The following LTBP3 variants were observed in gnomAD, a reference collection of about 807,000 sequenced individuals.
The protein encoded by LTBP3 is latent transforming growth factor beta binding protein 3, also known as latent-transforming growth factor beta-binding protein 3.
Under a neutral mutation model 159.7 loss-of-function variants are expected in LTBP3, and 97 were observed. The observed-to-expected ratio is 0.61, with a 90% CI of 0.52 to 0.72. The LOEUF (loss-of-function observed/expected upper bound fraction) is 0.72. Among genes scored for constraint, LTBP3 ranks in the 30% least tolerant of loss-of-function variants. The pLI, the probability that LTBP3 is intolerant of heterozygous loss-of-function variation, is 0.00. For missense variants in LTBP3, 1,584 were observed against 1,864.3 expected, an observed-to-expected ratio of 0.85 and a Z score of 2.77; for synonymous variants, 824 against 777.1, an observed-to-expected ratio of 1.06 and a Z score of -1.00.
In LTBP3 at chr11:65,553,231, AG is replaced by A; in HGVS notation, c.995del (p.Pro332LeufsTer56). 6.2e-7 allele frequency: 1 copy of A among 1,614,126 alleles called. No individual in the cohort carries two copies. The highest frequency in any genetic ancestry group is 8.5e-7 in the Non-Finnish European group (1 of 1,180,000). On this transcript the variant is annotated frameshift_variant, in exon 5 of 28. Coordinates refer to ENST00000301873, the MANE Select transcript of LTBP3 (RefSeq NM_001130144.3). LOFTEE classifies it high-confidence loss of function. The surrounding 1 kb of genome is among the most constrained non-coding windows in gnomAD (Gnocchi z 6.5). ...AGTCAGCGCCCACTTCCCCACGTACAGGCCCTGGCTTCTGCACTCCTGTGTC... is the reference window on the plus strand; with the variant it reads ...AGTCAGCGCCCACTTCCCCACGTACAGCCCTGGCTTCTGCACTCCTGTGTC... Reference protein sequence around the residue: ...LQYTGVQKPGPVRGEVGADCP... With the variant: ...LQYTGVQKPGXVRGEVGADCP...
At position 65,538,707 on chromosome 11, in the gene LTBP3, C is replaced by G. The variant is rs1033807825; in HGVS notation, c.*373G>C. On this transcript the variant is annotated 3_prime_UTR_variant, in exon 28 of 28. Coordinates refer to ENST00000301873, the MANE Select transcript of LTBP3 (RefSeq NM_001130144.3). ...GCCACAATAAATTCTATTTCACACCCCTTGTGCCGGGCTCAGTCTAGCCCC... is the reference window on the plus strand; with the variant it reads ...GCCACAATAAATTCTATTTCACACCGCTTGTGCCGGGCTCAGTCTAGCCCC... The G allele has an allele frequency of 6.0e-6, 7 of 1,175,320 alleles. No individual in the cohort carries two copies. The highest frequency in any genetic ancestry group is 7.0e-6 in the Non-Finnish European group (6 of 858,404). The allele number at this position is 1,175,320 out of a possible 1,614,324, so 72.8% of individuals were successfully genotyped here.
At position 65,540,896 on chromosome 11, in the gene LTBP3, G is replaced by A; in HGVS notation, c.2952C>T (p.Val984=). 5.6e-6 allele frequency: 9 copies of A among 1,613,326 alleles called. No homozygotes were observed. The highest frequency in any genetic ancestry group is 6.8e-6 in the Non-Finnish European group (8 of 1,179,732). Residue 984 remains valine, a synonymous_variant, in exon 21 of 28, where the codon GTC becomes GTT. Transcript: ENST00000301873. ...CACGGTGGGCTGGGATGCCGTAGTTGACGATGTTGTTGTCCTGGGTGTAGC... is the reference window on the plus strand; with the variant it reads ...CACGGTGGGCTGGGATGCCGTAGTTAACGATGTTGTTGTCCTGGGTGTAGC... ...GKGYTQDNNI[V]NYGIPAHRDI...
In LTBP3 at chr11:65,554,515, C is replaced by T. The variant is rs1856736803; in HGVS notation, c.332-135G>A. On this transcript the variant is annotated intron_variant, in intron 1 of 27. Transcript: ENST00000301873. The surrounding 1 kb of genome is among the most constrained non-coding windows in gnomAD (Gnocchi z 5.3). ...ATACATCCTACATAGGGAAACTGCC[C>T]TCTCTAGGTTCCCCAACATCCTTAC... 3.0e-6 allele frequency: 2 copies of T among 660,024 alleles called. No homozygotes were observed. The highest frequency in any genetic ancestry group is 2.8e-5 in the Admixed American group (1 of 35,160). The allele number at this position is 660,024 out of a possible 1,614,324, so 40.9% of individuals were successfully genotyped here.
At position 65,552,957 on chromosome 11, in the gene LTBP3, G is replaced by C; in HGVS notation, c.1089C>G (p.Gly363=). The C allele has an allele frequency of 6.2e-7, 1 of 1,614,188 alleles. No homozygotes were observed. Among genetic ancestry groups the C allele is most frequent in the Non-Finnish European group, 8.5e-7 (1 of 1,180,020 alleles). ...TGAGGCAGTCACCATGGCGACACAC[G>C]CCCGGCATTGCGCACTCGTTGATGT... The part of the protein sequence containing the change: ...CQDINECAMP[G]VCRHGDCLNN... The change falls in exon 6 of 28, where the codon GGC becomes GGG. Residue 363 remains glycine (G), a synonymous_variant. Transcript: ENST00000301873. This position sits in a 1 kb window ranked among gnomAD's most constrained non-coding sequence, Gnocchi z 6.0.
rs902202689 is a variant in LTBP3, at chr11:65,552,378, A to G, written c.1215T>C (p.Cys405=). 1.2e-6 allele frequency: 2 copies of G among 1,613,736 alleles called. No homozygotes were observed. The highest frequency in any genetic ancestry group is 1.7e-6 in the Non-Finnish European group (2 of 1,179,950). ...IADKPEEKSL[C]FRLVSPEHQC... ...GGTGCTCAGGGCTCACCAGGCGGAA[A>G]CACAGGCTCTTCTCCTCCGGTTTGT... is the stretch of plus-strand genomic sequence containing the variant. Residue 405 remains cysteine (C), a synonymous_variant, in exon 7 of 28, where the codon TGT becomes TGC. Coordinates refer to ENST00000301873, the MANE Select transcript of LTBP3 (RefSeq NM_001130144.3). This position sits in a 1 kb window ranked among gnomAD's most constrained non-coding sequence, Gnocchi z 6.0.
In LTBP3 at chr11:65,539,016, G is replaced by A. The variant is rs901240283; in HGVS notation, c.*64C>T. The A allele has an allele frequency of 4.5e-6, 6 of 1,324,950 alleles. No individual in the cohort carries two copies. The highest frequency in any genetic ancestry group is 1.6e-5 in the African/African-American group (1 of 64,020). The allele number at this position is 1,324,950 out of a possible 1,614,324, so 82.1% of individuals were successfully genotyped here. A position where few individuals can be genotyped will look rare whatever the true frequency, so the allele number is the denominator to read the frequency against. ...GAGCCACAAGTCGGGGCAGAAGTGA[G>A]GCCGAGCTCGCGGAAATCCCTCAGT... On this transcript the variant is annotated 3_prime_UTR_variant, in exon 28 of 28. Coordinates refer to ENST00000301873, the MANE Select transcript of LTBP3 (RefSeq NM_001130144.3).
Position 65,555,753 on chromosome 11 carries a change from A to G in LTBP3, c.332-1373T>C, listed in dbSNP as rs567617955. 1.1e-4 allele frequency among the ~76,000 whole-genome samples: 16 copies of G among 152,182 alleles called. 1 individual carries two copies. Among genetic ancestry groups the G allele is most frequent in the Middle Eastern group, 3.4e-3 (1 of 294 alleles). ...ACTACCAGCCTTGGGGCTCTGACTCATCCCAAAGCCCCAGCCCTTCTCCTG... is the reference window on the plus strand; with the variant it reads ...ACTACCAGCCTTGGGGCTCTGACTCGTCCCAAAGCCCCAGCCCTTCTCCTG... On this transcript the variant is annotated intron_variant, in intron 1 of 27. Transcript: ENST00000301873.
Position 65,558,201 on chromosome 11 carries a change from C to T in LTBP3, c.-242G>A. The T allele has an allele frequency of 1.9e-6, 2 of 1,059,542 alleles. No individual in the cohort carries two copies. The highest frequency in any genetic ancestry group is 2.3e-6 in the Non-Finnish European group (2 of 876,318). 65.6% of individuals were successfully genotyped at this position (1,059,542 alleles called of 1,614,324 possible). On this transcript the variant is annotated 5_prime_UTR_variant, in exon 1 of 28. Transcript: ENST00000301873. ...CGAAGCCCAGACCAGGCCCCGAACTCAGGCAGGAGCGAGGAGGCCGGAGCA... is the reference window on the plus strand; with the variant it reads ...CGAAGCCCAGACCAGGCCCCGAACTTAGGCAGGAGCGAGGAGGCCGGAGCA...
At chr11:65,545,225 T>A in intron 16 of LTBP3, 6 of 179,198 alleles carry the variant, frequency 3.3e-5, no homozygotes, top group Admixed American at 6.3e-5. Context: ...CCCCACCATC[T>A]CCTCCAACGC....
Position 65,553,402 on chromosome 11 carries a change from GC to G in LTBP3, c.970+22del. 1.3e-6 allele frequency: 2 copies of G among 1,598,272 alleles called. No individual in the cohort carries two copies. Among genetic ancestry groups the G allele is most frequent in the Non-Finnish European group, 1.7e-6 (2 of 1,168,218 alleles). Reference sequence around the variant, plus strand: ...GGGGAGGGGCCACCAGATAGGGAACGCCCCCTGAGCCCAAGCACTCACACTG... The same window carrying G: ...GGGGAGGGGCCACCAGATAGGGAACGCCCCTGAGCCCAAGCACTCACACTG... On this transcript the variant is annotated intron_variant, in intron 4 of 27. Transcript: ENST00000301873. The surrounding 1 kb of genome is among the most constrained non-coding windows in gnomAD (Gnocchi z 6.5).
At position 65,552,459 on chromosome 11, in the gene LTBP3, C is replaced by T; in HGVS notation, c.1187-53G>A. On this transcript the variant is annotated intron_variant, in intron 6 of 27. Transcript: ENST00000301873. This position sits in a 1 kb window ranked among gnomAD's most constrained non-coding sequence, Gnocchi z 6.0. ...ATCTGAGCCTGCACATTGCCCACGT[C>T]CCTCTGCCCAGCTGCTGCAGACCTT... 1 of 1,601,128 alleles carries T rather than the reference C, an allele frequency of 6.2e-7. No individual in the cohort carries two copies. The highest frequency in any genetic ancestry group is 8.5e-7 in the Non-Finnish European group (1 of 1,177,014).
At position 65,539,571 on chromosome 11, in the gene LTBP3, A is replaced by AG. The variant is rs1157179877; in HGVS notation, c.3604dup (p.Leu1202ProfsTer10). The stretch of plus-strand genomic sequence containing the variant: ...ACCTCTTGGGGGCTTCCCCAACAGC[A>AG]GGGGGCTTGTGTCCCAGAAGGAATT... On this transcript the variant is annotated frameshift_variant, in exon 26 of 28. Coordinates refer to ENST00000301873, the MANE Select transcript of LTBP3 (RefSeq NM_001130144.3). LOFTEE classifies it high-confidence loss of function. The AG allele has an allele frequency of 6.2e-7, 1 of 1,612,684 alleles. No homozygotes were observed. Among genetic ancestry groups the AG allele is most frequent in the East Asian group, 2.2e-5 (1 of 44,828 alleles).
chr11:65,558,140 G>C lies in LTBP3; in HGVS notation c.-181C>G. The C allele has an allele frequency of 9.3e-7, 1 of 1,079,398 alleles. No homozygotes were observed. The highest frequency in any genetic ancestry group is 1.1e-6 in the Non-Finnish European group (1 of 889,680). 66.9% of individuals were successfully genotyped at this position (1,079,398 alleles called of 1,614,324 possible). ...GCGGGAGGCGCGGAGATGCAGACTGGACAGCGGGGAGCGCAGAAACTTCCC... is the reference window on the plus strand; with the variant it reads ...GCGGGAGGCGCGGAGATGCAGACTGCACAGCGGGGAGCGCAGAAACTTCCC... On this transcript the variant is annotated 5_prime_UTR_variant, in exon 1 of 28. Coordinates refer to ENST00000301873, the MANE Select transcript of LTBP3 (RefSeq NM_001130144.3).
intron 11 of LTBP3, 73 bp from the exon 12 acceptor site, chr11:65,548,118 AAC>A: frequency 2.5e-6 from 4 of 1,605,306 alleles, no homozygotes; most frequent in Non-Finnish European, 3.4e-6. Flanking sequence ...GGCAGACCTC[AAC>A]ACCCCAGTCA....
At position 65,546,843 on chromosome 11, in the gene LTBP3, C is replaced by CG; in HGVS notation, c.2184dup (p.Ala729ArgfsTer62). On this transcript the variant is annotated frameshift_variant, in exon 15 of 28. Transcript: ENST00000301873. LOFTEE classifies it high-confidence loss of function. This position sits in a 1 kb window ranked among gnomAD's most constrained non-coding sequence, Gnocchi z 4.0. ...TGGCTGCGGTAGCCAGGCTGACAGG[C>CG]GATGCACTTGAAGCTCCCGGGCTTG... 6.2e-7 allele frequency: 1 copy of CG among 1,610,734 alleles called. No homozygotes were observed. The highest frequency in any genetic ancestry group is 8.5e-7 in the Non-Finnish European group (1 of 1,179,824).
In LTBP3 at chr11:65,540,068, C is replaced by T. The variant is rs1335908921; in HGVS notation, c.3330G>A (p.Pro1110=). The change falls in exon 24 of 28, where the codon CCG becomes CCA. Residue 1110 remains proline (P), a synonymous_variant. Coordinates refer to ENST00000301873, the MANE Select transcript of LTBP3 (RefSeq NM_001130144.3). ...LPGSYRCECR[P]PWVPGPSGRD... is the part of the protein sequence containing the mutation. ...GGCCGGAGGGCCCGGGCACCCAGGG[C>T]GGGCGACACTCGCAGCGGTAGGAGC... 2 of 1,524,272 alleles carry T rather than the reference C, an allele frequency of 1.3e-6. No individual in the cohort carries two copies. The highest frequency in any genetic ancestry group is 1.4e-5 in the African/African-American group (1 of 71,822). 94.4% of individuals were successfully genotyped at this position (1,524,272 alleles called of 1,614,324 possible).
rs751399281 is a variant in LTBP3 at position 65,557,700 on chromosome 11, C to A, written c.260G>T (p.Gly87Val). The A allele has an allele frequency of 1.2e-6, 2 of 1,610,464 alleles. No individual in the cohort carries two copies. Among genetic ancestry groups the A allele is most frequent in the Non-Finnish European group, 1.7e-6 (2 of 1,179,896 alleles). ...KGQCRDSCQQ[G>V]SNMTLIGENG... ...CTCTCCGATGAGCGTCATGTTGGAG[C>A]CCTGCTGACAACTGTCCCGACACTG... The change falls in exon 1 of 28, where the codon GGC (glycine) becomes GTC (valine). Residue 87 changes from glycine to valine, a missense_variant. Physicochemically the swap from Gly to Val is moderately radical, Grantham distance 109. Coordinates refer to ENST00000301873, the MANE Select transcript of LTBP3 (RefSeq NM_001130144.3).
chr11:65,542,898 GTGGAAGGATGAA>G (rs997516803), intron 18 of LTBP3, 195 bp downstream of exon 18: 3 of 679,678 alleles, frequency 4.4e-6, no homozygotes, highest in Admixed American at 2.2e-5. Context: ...GGGTGGGTGA[GTGGAAGGATGAA>G]TGGAAGGATG....
At chr11:65,545,807 C>A (rs1856338272) in intron 16 of LTBP3, 1 of 189,446 alleles carries the variant, frequency 5.3e-6, no homozygotes, top group Admixed American at 6.2e-5. Flanking sequence ...CCAGGCAGGA[C>A]TTAGGGGGCC....
Sources: gnomAD v4.1 joint callset for allele counts (sites outside exome capture counted in the v4.1 genomes callset) on GRCh38, gnomAD v4.1.1 for gene constraint, Gnocchi (gnomAD v3.1) non-coding constraint, MANE v1.5 for transcripts, NCBI Gene and HGNC (gene_info 2026-07-23, HGNC 2026-07-21) for gene names.